The following FHIT variants were observed in gnomAD, a reference collection of about 807,000 sequenced individuals.
The protein encoded by FHIT is bis(5'-adenosyl)-triphosphatase.
A neutral mutation model predicts 17.9 loss-of-function variants in FHIT; 19 were observed. The ratio of observed to expected loss-of-function variants is 1.06; its 90% CI spans 0.74 to 1.56. The LOEUF (loss-of-function observed/expected upper bound fraction) is 1.56. FHIT is among the 40% of genes most tolerant of loss of function. The pLI, the probability that FHIT is intolerant of heterozygous loss-of-function variation, is 0.00. For synonymous variants in FHIT, 81 were observed against 69.7 expected (o/e 1.16, Z -0.81); for missense variants, 248 against 189.2 (o/e 1.31, Z -1.82).
chr3:60,575,911 A>G (rs1045376877), intron 4 of FHIT, among the ~76,000 whole-genome samples: 2 of 152,142 alleles, frequency 1.3e-5, no homozygotes, highest in African/African-American at 4.8e-5. Context: ...AGCATTACTC[A>G]AAGCCACTGG....
chr3:60,130,205 G>T (rs758191221), intron 5 of FHIT, among the ~76,000 whole-genome samples: 4 of 152,200 alleles, frequency 2.6e-5, no homozygotes, highest in Non-Finnish European at 5.9e-5. Flanking sequence ...CCAGCTGTGT[G>T]ATACGTGCCA....
chr3:61,018,261 G>T (rs896331281), intron 3 of FHIT, among the ~76,000 whole-genome samples: 5 of 152,110 alleles, frequency 3.3e-5, no homozygotes, highest in Non-Finnish European at 5.9e-5. Context: ...GCAACACTAA[G>T]ATACATGTGA....
At chr3:61,201,372 A>T (rs1916801) in intron 1 of FHIT, among the ~76,000 whole-genome samples, 65,805 of 152,054 alleles carry the variant, frequency 0.43, 14,629 homozygotes, top group East Asian at 0.58. Flanking sequence ...AACTTACAGT[A>T]TCGTGAAGCT....
intron 4 of FHIT, among the ~76,000 whole-genome samples, chr3:60,538,279 G>A (rs377323529): frequency 4.3e-4 from 65 of 152,142 alleles, no homozygotes; most frequent in African/African-American, 1.0e-3. Flanking sequence ...ACTGCTCAAC[G>A]AAATAAAAGA....
rs529458788 is a variant in FHIT at position 60,168,013 on chromosome 3, G to A, written c.104-153861C>T. Among the ~76,000 whole-genome samples the A allele has an allele frequency of 2.6e-5, 4 of 152,294 alleles. 1 individual carries two copies. In the South Asian group the frequency reaches 8.3e-4, roughly 32 times the overall value. On this transcript the variant is annotated intron_variant, in intron 5 of 9. Transcript: ENST00000492590. ...CACTCCAGCCTGGGTAAGAGAGTGA[G>A]ACCCTGTCTCAATAAGTAAGTAAAT... is the stretch of plus-strand genomic sequence containing the variant.
At position 60,014,088 on chromosome 3, in the gene FHIT, G is replaced by T. The variant is rs755250330; in HGVS notation, c.168C>A (p.Ala56=). 5 of 1,613,916 alleles carry T rather than the reference G, an allele frequency of 3.1e-6. No individual in the cohort carries two copies. The South Asian group carries it at 5.5e-5, about 18-fold the overall frequency. Residue 56 remains alanine (A), a synonymous_variant, in exon 6 of 10, where the codon GCC becomes GCA. Transcript: ENST00000492590. The part of the protein sequence containing the change: ...RFHDLRPDEV[A]DLFQTTQRVG... Reference sequence around the variant, plus strand: ...CTCTCTGGGTCGTCTGAAACAAATCGGCCACTTCATCAGGACGCAGGTCAT... The same window carrying T: ...CTCTCTGGGTCGTCTGAAACAAATCTGCCACTTCATCAGGACGCAGGTCAT...
At chr3:60,369,592 C>T (rs1700242709) in intron 5 of FHIT, among the ~76,000 whole-genome samples, 1 of 152,172 alleles carries the variant, frequency 6.6e-6, no homozygotes, top group African/African-American at 2.4e-5. Context: ...TCCTTTCACG[C>T]TTGCTTTTAT....
intron 5 of FHIT, among the ~76,000 whole-genome samples, chr3:60,077,686 TCACACACACACACACACACACA>T (rs35531886): frequency 1.8e-5 from 2 of 110,312 alleles, no homozygotes; most frequent in East Asian, 3.0e-4. Context: ...CGATTTTACT[TCACACACACACACACACACACA>T]CACACACACA....
intron 7 of FHIT, among the ~76,000 whole-genome samples, chr3:59,932,098 C>T (rs1706001365): frequency 6.6e-6 from 1 of 152,058 alleles, no homozygotes; most frequent in African/African-American, 2.4e-5. Flanking sequence ...GCAAGTTCTT[C>T]TTCAATTCCT....
intron 5 of FHIT, among the ~76,000 whole-genome samples, chr3:60,155,799 A>G (rs1406470280): frequency 1.3e-5 from 2 of 152,100 alleles, no homozygotes; most frequent in Non-Finnish European, 2.9e-5. Flanking sequence ...AAAAGTAACA[A>G]ACACATGTCA....
chr3:60,191,135 C>T (rs1177944466), intron 5 of FHIT, among the ~76,000 whole-genome samples: 3 of 152,090 alleles, frequency 2.0e-5, no homozygotes, highest in African/African-American at 7.2e-5. Context: ...ACAATGGTTC[C>T]TTTCTCCAAA....
chr3:59,895,520 C>T (rs1704030523), intron 8 of FHIT, among the ~76,000 whole-genome samples: 1 of 152,188 alleles, frequency 6.6e-6, no homozygotes, highest in African/African-American at 2.4e-5. Flanking sequence ...GCACATCAGA[C>T]ACTTCCAATA....
chr3:60,826,378 G>A (rs1450219827), intron 3 of FHIT, among the ~76,000 whole-genome samples: 1 of 152,148 alleles, frequency 6.6e-6, no homozygotes, highest in Non-Finnish European at 1.5e-5. Flanking sequence ...CCAGGCTGAA[G>A]TGCAATGGCA....
intron 1 of FHIT, among the ~76,000 whole-genome samples, chr3:61,243,476 T>C (rs1481351623): frequency 1.3e-5 from 2 of 152,240 alleles, no homozygotes; most frequent in Non-Finnish European, 2.9e-5. Context: ...ATTATTCTTC[T>C]GCTTTGACAG....
At chr3:61,011,589 T>G (rs2031792613) in intron 3 of FHIT, among the ~76,000 whole-genome samples, 1 of 152,138 alleles carries the variant, frequency 6.6e-6, no homozygotes, top group Non-Finnish European at 1.5e-5. Context: ...GTTCATGGAA[T>G]CAGATATTCT....
At chr3:60,427,815 G>C (rs993282116) in intron 5 of FHIT, among the ~76,000 whole-genome samples, 13 of 152,120 alleles carry the variant, frequency 8.5e-5, no homozygotes, top group African/African-American at 3.1e-4. Flanking sequence ...CTCCTCATTT[G>C]ATATCTCCCA....
intron 3 of FHIT, among the ~76,000 whole-genome samples, chr3:60,873,133 G>T (rs62249337): frequency 7.1e-6 from 1 of 140,160 alleles, no homozygotes. Context: ...GGGAGAGAGG[G>T]AGAGGGAGAG....
chr3:60,344,117 A>ATCATAT (rs1461388714), intron 5 of FHIT, among the ~76,000 whole-genome samples: 1 of 152,208 alleles, frequency 6.6e-6, no homozygotes, highest in Non-Finnish European at 1.5e-5. Context: ...GCATATCTCT[A>ATCATAT]GAATAATTCC....
At chr3:59,948,539 AT>A (rs1235083396) in intron 7 of FHIT, among the ~76,000 whole-genome samples, 1 of 151,684 alleles carries the variant, frequency 6.6e-6, no homozygotes, top group African/African-American at 2.4e-5. Flanking sequence ...ATAAAAAAAA[AT>A]AAATAAATAA....
Sources: allele counts gnomAD v4.1 joint callset (sites outside exome capture counted in the v4.1 genomes callset), GRCh38; gene constraint gnomAD v4.1.1; transcripts MANE v1.5; gene names NCBI Gene and HGNC (gene_info 2026-07-23, HGNC 2026-07-21).